The following MGAT4C variants were observed in gnomAD, a reference collection of about 807,000 sequenced individuals.
MGAT4C encodes alpha-1,3-mannosyl-glycoprotein 4-beta-N-acetylglucosaminyltransferase C.
Under a neutral mutation model 40.1 loss-of-function variants are expected in MGAT4C, and 19 were observed. The observed-to-expected ratio is 0.47, with a 90% CI of 0.33 to 0.70. The LOEUF (loss-of-function observed/expected upper bound fraction) is 0.70. Among genes scored for constraint, MGAT4C ranks in the 30% least tolerant of loss-of-function variants. MGAT4C has a pLI of 0.02. For synonymous variants in MGAT4C, 181 were observed against 187.1 expected (o/e 0.97, Z 0.27); for missense variants, 491 against 563.2 (o/e 0.87, Z 1.30).
At chr12:86,674,275 G>A (rs532479439) in intron 2 of MGAT4C, among the ~76,000 whole-genome samples, 63 of 152,206 alleles carry the variant, frequency 4.1e-4, no homozygotes, top group Admixed American at 2.2e-3. Flanking sequence ...CATGGCTTAT[G>A]ATTTTCAAAA....
At chr12:86,586,837 A>G (rs1424840228) in intron 2 of MGAT4C, among the ~76,000 whole-genome samples, 1 of 151,918 alleles carries the variant, frequency 6.6e-6, no homozygotes, top group African/African-American at 2.4e-5. Context: ...AGTTCATTGT[A>G]GATTCTGGAT....
chr12:86,235,041 T>G lies in MGAT4C; in HGVS notation c.-57+21198A>C, dbSNP rs191171600. On this transcript the variant is annotated intron_variant, in intron 1 of 4. Transcript: ENST00000611864. ...AAAAGACCTGTGCTTAGCCTTTTAT[T>G]TTTTTCTTTTACTTATAAAACAAAC... is the stretch of plus-strand genomic sequence containing the variant. Among the ~76,000 whole-genome samples the G allele has an allele frequency of 5.9e-3, 902 of 152,208 alleles. 5 individuals are homozygous for G. The highest frequency in any genetic ancestry group is 0.01 in the Middle Eastern group (3 of 294).
chr12:86,247,889 A>C (rs1952099917), intron 1 of MGAT4C, among the ~76,000 whole-genome samples: 1 of 152,186 alleles, frequency 6.6e-6, no homozygotes, highest in African/African-American at 2.4e-5. Flanking sequence ...TATGGGGAAG[A>C]GGGGAAAGGA....
intron 1 of MGAT4C, among the ~76,000 whole-genome samples, chr12:86,808,868 T>C (rs748882803): frequency 3.3e-5 from 5 of 152,102 alleles, no homozygotes; most frequent in African/African-American, 4.8e-5. Flanking sequence ...ACTGTGATCC[T>C]ATGTCTAGGA....
intron 4 of MGAT4C, among the ~76,000 whole-genome samples, chr12:86,316,728 T>C (rs1954243441): frequency 2.0e-5 from 3 of 151,914 alleles, no homozygotes; most frequent in Admixed American, 1.3e-4. Flanking sequence ...GATGAAGAAA[T>C]AGGGGAAGGG....
intron 3 of MGAT4C, among the ~76,000 whole-genome samples, chr12:86,369,935 A>G (rs1480250760): frequency 6.6e-6 from 1 of 151,892 alleles, no homozygotes; most frequent in Non-Finnish European, 1.5e-5. Context: ...GGTATTCTGG[A>G]TTTTACTTAA....
intron 1 of MGAT4C, among the ~76,000 whole-genome samples, chr12:86,826,862 T>C (rs1952818863): frequency 6.6e-6 from 1 of 151,420 alleles, no homozygotes; most frequent in Admixed American, 6.6e-5. Context: ...AATTTTAGTC[T>C]ATGTATATTT....
At chr12:86,725,303 G>A (rs1950802806) in intron 2 of MGAT4C, among the ~76,000 whole-genome samples, 5 of 152,140 alleles carry the variant, frequency 3.3e-5, no homozygotes. Context: ...TTACGTACCA[G>A]TTCTCTGAAT....
intron 1 of MGAT4C, among the ~76,000 whole-genome samples, chr12:86,226,765 C>T (rs1951097732): frequency 6.6e-6 from 1 of 151,872 alleles, no homozygotes; most frequent in Non-Finnish European, 1.5e-5. Context: ...CAGTTGGACT[C>T]CTCCTTTCTT....
chr12:86,178,418 A>G (rs1887736245), intron 1 of MGAT4C, among the ~76,000 whole-genome samples: 2 of 152,234 alleles, frequency 1.3e-5, no homozygotes, highest in African/African-American at 2.4e-5. Flanking sequence ...GGATGTTCAC[A>G]TTTATGCTGA....
chr12:86,657,284 G>C (rs757792851), intron 2 of MGAT4C, among the ~76,000 whole-genome samples: 8 of 151,844 alleles, frequency 5.3e-5, no homozygotes, highest in Non-Finnish European at 1.2e-4. Flanking sequence ...AAAGTAATGG[G>C]CTTTTTCTTG....
chr12:86,799,216 A>T (rs146659586), intron 1 of MGAT4C, among the ~76,000 whole-genome samples: 11 of 151,788 alleles, frequency 7.2e-5, no homozygotes, highest in Admixed American at 4.0e-4. Flanking sequence ...TACTCTTTAC[A>T]TATTTTTCCA....
intron 1 of MGAT4C, among the ~76,000 whole-genome samples, chr12:86,205,040 T>C (rs1280674482): frequency 6.6e-6 from 1 of 152,008 alleles, no homozygotes; most frequent in Non-Finnish European, 1.5e-5. Context: ...TTGTACATAT[T>C]ATCAGTACAG....
chr12:86,348,870 G>C (rs1471704450), intron 3 of MGAT4C, among the ~76,000 whole-genome samples: 1 of 151,770 alleles, frequency 6.6e-6, no homozygotes, highest in African/African-American at 2.4e-5. Context: ...TCCTCAATCT[G>C]GGAAATTAAA....
chr12:86,154,891 A>G (rs1387394433), intron 1 of MGAT4C, among the ~76,000 whole-genome samples: 2 of 152,174 alleles, frequency 1.3e-5, no homozygotes, highest in African/African-American at 4.8e-5. Context: ...CAGATAAGAC[A>G]GCTATGTCCA....
chr12:86,283,932 T>G (rs1254662176), intron 4 of MGAT4C, among the ~76,000 whole-genome samples: 1 of 152,138 alleles, frequency 6.6e-6, no homozygotes, highest in Non-Finnish European at 1.5e-5. Flanking sequence ...ATGTTTACAA[T>G]TTGATCCTCT....
intron 2 of MGAT4C, among the ~76,000 whole-genome samples, chr12:86,437,876 C>T (rs2136275164): frequency 6.6e-6 from 1 of 152,006 alleles, no homozygotes; most frequent in Middle Eastern, 3.4e-3. Context: ...ACCGCACTGA[C>T]CAGCTGTTAC....
chr12:86,782,171 A>ATTATT (rs1951854782), intron 1 of MGAT4C, among the ~76,000 whole-genome samples: 1 of 40,276 alleles, frequency 2.5e-5, no homozygotes, highest in East Asian at 9.5e-4. Flanking sequence ...TGTTTTTTGT[A>ATTATT]TTTTTTTTTT....
intron 1 of MGAT4C, among the ~76,000 whole-genome samples, chr12:86,207,462 C>A (rs1299931083): frequency 6.6e-6 from 1 of 151,938 alleles, no homozygotes; most frequent in African/African-American, 2.4e-5. Flanking sequence ...CCCCGACAGG[C>A]CTTGTGTGTG....
Sources: allele counts gnomAD v4.1 joint callset (sites outside exome capture counted in the v4.1 genomes callset), GRCh38; gene constraint gnomAD v4.1.1; transcripts MANE v1.5; gene names NCBI Gene and HGNC (gene_info 2026-07-23, HGNC 2026-07-21).